The following PTPRD variants were observed in gnomAD, a reference collection of about 807,000 sequenced individuals.
PTPRD encodes protein tyrosine phosphatase receptor type D, also known as receptor-type tyrosine-protein phosphatase delta.
Under a neutral mutation model 214.5 loss-of-function variants are expected in PTPRD, and 34 were observed. The ratio of observed to expected loss-of-function variants is 0.16; its 90% CI spans 0.12 to 0.21. The LOEUF (loss-of-function observed/expected upper bound fraction) is 0.21, where lower values mean the gene tolerates loss of function less well. PTPRD is among the 10% of genes least tolerant of loss of function. The pLI, the probability that PTPRD is intolerant of heterozygous loss-of-function variation, is 1.00. For missense variants in PTPRD, 2,545 were observed against 2,398.7 expected (o/e 1.06, Z -1.27); for synonymous variants, 1,128 against 845.7 (o/e 1.33, Z -5.79).
At chr9:8,415,460 T>A (rs1292075829) in intron 35 of PTPRD, among the ~76,000 whole-genome samples, 2 of 152,212 alleles carry the variant, frequency 1.3e-5, no homozygotes, top group African/African-American at 2.4e-5. Flanking sequence ...TTTAATCTTG[T>A]ATATCACCTA....
intron 9 of PTPRD, among the ~76,000 whole-genome samples, chr9:9,345,623 A>G (rs760829355): frequency 3.3e-5 from 5 of 152,154 alleles, no homozygotes; most frequent in Non-Finnish European, 7.4e-5. Flanking sequence ...GTCATCCCAT[A>G]TGGCTAGATT....
chr9:10,240,607 A>C (rs1454663507), intron 3 of PTPRD, among the ~76,000 whole-genome samples: 1 of 151,990 alleles, frequency 6.6e-6, no homozygotes, highest in African/African-American at 2.4e-5. Flanking sequence ...CAATTTTAAG[A>C]AGTGTATAAA....
intron 2 of PTPRD, among the ~76,000 whole-genome samples, chr9:10,454,916 A>G (rs772134701): frequency 1.3e-5 from 2 of 151,798 alleles, no homozygotes; most frequent in Non-Finnish European, 3.0e-5. Flanking sequence ...AGTGCAGACA[A>G]AAAAGTTCAA....
chr9:8,469,325 G>C (rs1386949885), intron 31 of PTPRD, among the ~76,000 whole-genome samples: 2 of 152,038 alleles, frequency 1.3e-5, no homozygotes, highest in Non-Finnish European at 2.9e-5. Flanking sequence ...TACTTCTAAG[G>C]AAAGCTTATT....
chr9:10,246,525 G>T (rs1302132405), intron 3 of PTPRD, among the ~76,000 whole-genome samples: 1 of 152,112 alleles, frequency 6.6e-6, no homozygotes, highest in Non-Finnish European at 1.5e-5. Flanking sequence ...GGTGCGGTGT[G>T]AGCCACCGCA....
chr9:8,980,214 T>A (rs2099303128), intron 11 of PTPRD, among the ~76,000 whole-genome samples: 1 of 151,966 alleles, frequency 6.6e-6, no homozygotes, highest in Non-Finnish European at 1.5e-5. Context: ...AGTGAAACCA[T>A]GTTTATCATC....
chr9:9,238,489 G>A (rs571571700), intron 9 of PTPRD, among the ~76,000 whole-genome samples: 4 of 152,012 alleles, frequency 2.6e-5, no homozygotes, highest in African/African-American at 4.8e-5. Context: ...GGAAGGCCTC[G>A]GGCATCTGAT....
At chr9:9,351,079 T>C (rs1286820728) in intron 9 of PTPRD, among the ~76,000 whole-genome samples, 1 of 152,034 alleles carries the variant, frequency 6.6e-6, no homozygotes, top group African/African-American at 2.4e-5. Flanking sequence ...TAGGGTTACA[T>C]GAACACTTGC....
At chr9:8,523,592 CAG>C in intron 18 of PTPRD, 68 bp from the exon 19 acceptor site, 3 of 1,576,516 alleles carry the variant, frequency 1.9e-6, no homozygotes, top group Non-Finnish European at 2.6e-6. Flanking sequence ...AAGGGAAACA[CAG>C]AGAGAGTAAA....
At chr9:9,559,355 T>G (rs1008535360) in intron 8 of PTPRD, among the ~76,000 whole-genome samples, 1 of 152,252 alleles carries the variant, frequency 6.6e-6, no homozygotes, top group African/African-American at 2.4e-5. Flanking sequence ...TCTCTATTAA[T>G]GAACACTGGC....
At chr9:8,380,428 G>C (rs1459121825) in intron 37 of PTPRD, among the ~76,000 whole-genome samples, 1 of 152,140 alleles carries the variant, frequency 6.6e-6, no homozygotes, top group Non-Finnish European at 1.5e-5. Context: ...CTCAGGCTGT[G>C]GTTTAGAAAC....
At chr9:9,763,929 T>C (rs562392489) in intron 6 of PTPRD, among the ~76,000 whole-genome samples, 15 of 152,302 alleles carry the variant, frequency 9.8e-5, no homozygotes, top group African/African-American at 3.1e-4. Flanking sequence ...ATATGACTGA[T>C]ATTTGGCCAA....
At chr9:8,591,012 C>T (rs542588199) in intron 14 of PTPRD, among the ~76,000 whole-genome samples, 4 of 152,206 alleles carry the variant, frequency 2.6e-5, no homozygotes, top group African/African-American at 9.6e-5. Context: ...CTAGAGGCTG[C>T]CCACATTCCT....
intron 3 of PTPRD, among the ~76,000 whole-genome samples, chr9:10,154,866 G>C (rs2099083795): frequency 6.6e-6 from 1 of 152,044 alleles, no homozygotes; most frequent in South Asian, 2.1e-4. Context: ...AACATAATTT[G>C]AAGTCAGGTA....
chr9:8,472,637 G>C (rs999850409), intron 30 of PTPRD, among the ~76,000 whole-genome samples: 1 of 152,112 alleles, frequency 6.6e-6, no homozygotes, highest in Non-Finnish European at 1.5e-5. Flanking sequence ...ATTAAAAAGA[G>C]TGTGAAATAT....
chr9:9,522,430 A>G (rs2097004810), intron 8 of PTPRD, among the ~76,000 whole-genome samples: 1 of 152,168 alleles, frequency 6.6e-6, no homozygotes, highest in Non-Finnish European at 1.5e-5. Context: ...TTAACCAGAT[A>G]GAACGAAAAC....
At chr9:10,366,638 G>A (rs1392007710) in intron 2 of PTPRD, among the ~76,000 whole-genome samples, 3 of 152,060 alleles carry the variant, frequency 2.0e-5, no homozygotes, top group African/African-American at 7.2e-5. Flanking sequence ...TTATAATCAT[G>A]GGAATTCTAA....
In PTPRD at chr9:9,452,715, A is replaced by C. The variant is rs905257911; in HGVS notation, c.-236-55233T>G. Among the ~76,000 whole-genome samples, 56 of 151,266 alleles carry C rather than the reference A, an allele frequency of 3.7e-4. 1 individual carries two copies. The highest frequency in any genetic ancestry group is 2.1e-4 in the Non-Finnish European group (14 of 67,524). On this transcript the variant is annotated intron_variant, in intron 8 of 45. Coordinates refer to ENST00000381196, the MANE Select transcript of PTPRD (RefSeq NM_002839.4). ...TGTAAATTTAGTAAAAGTTAAAGTCAATTATCAGATATATCACATAATTAT... is the reference window on the plus strand; with the variant it reads ...TGTAAATTTAGTAAAAGTTAAAGTCCATTATCAGATATATCACATAATTAT...
intron 4 of PTPRD, among the ~76,000 whole-genome samples, chr9:9,984,478 C>T (rs1253831833): frequency 2.0e-5 from 3 of 152,100 alleles, no homozygotes; most frequent in African/African-American, 7.2e-5. Flanking sequence ...GGTCTGTAGT[C>T]ATGAGGCAAG....
Sources: gnomAD v4.1 joint callset for allele counts (sites outside exome capture counted in the v4.1 genomes callset) on GRCh38, gnomAD v4.1.1 for gene constraint, MANE v1.5 for transcripts, NCBI Gene and HGNC (gene_info 2026-07-23, HGNC 2026-07-21) for gene names.